PPIG: variants seen among roughly 807,000 people sequenced by gnomAD.
PPIG encodes peptidyl-prolyl cis-trans isomerase G.
A neutral mutation model predicts 87.9 loss-of-function variants in PPIG; 26 were observed. The ratio of observed to expected loss-of-function variants is 0.30; its 90% confidence interval spans 0.22 to 0.41. The LOEUF (loss-of-function observed/expected upper bound fraction) is 0.41. PPIG is among the 10% of genes least tolerant of loss of function. PPIG has a pLI of 1.00. For synonymous variants in PPIG, 308 were observed against 276.5 expected (o/e 1.11, Z -1.13); for missense variants, 722 against 879.4 (o/e 0.82, Z 2.26).
intron 11 of PPIG, 78 bp from the exon 12 acceptor site, chr2:169,633,082 C>G: frequency 1.8e-6 from 2 of 1,131,484 alleles, no homozygotes; most frequent in Non-Finnish European, 2.7e-6. Context: ...GGCCCAGATT[C>G]ATTTTTATTA....
Position 169,636,819 on chromosome 2 carries a change from A to G in PPIG, c.1561A>G (p.Lys521Glu), listed in dbSNP as rs768375937. Residue 521 changes from lysine to glutamate, a missense_variant, in exon 14 of 14, where the codon AAA becomes GAA. Lys to Glu is a moderately conservative substitution (Grantham distance 56). This residue lies in a region of PPIG where 476 missense variants were observed against 483.1 expected (regional missense o/e 0.99). Transcript: ENST00000260970. ...QERSRSKEKS[K>E]QLESKSNEHD... ...AAGGAGTAGAAGTAAAGAGAAGTCTAAACAGTTAGAATCAAAGAGTAATGA... is the reference window on the plus strand; with the variant it reads ...AAGGAGTAGAAGTAAAGAGAAGTCTGAACAGTTAGAATCAAAGAGTAATGA... The G allele has an allele frequency of 3.1e-6, 5 of 1,613,642 alleles. No individual in the cohort carries two copies. The highest frequency in any genetic ancestry group is 4.5e-5 in the East Asian group (2 of 44,876).
At position 169,640,908 on chromosome 2, in the gene PPIG, T is replaced by A. The variant is rs887918402; in HGVS notation, c.*3385T>A. On this transcript the variant is annotated 3_prime_UTR_variant, in exon 14 of 14. Coordinates refer to ENST00000260970, the MANE Select transcript of PPIG (RefSeq NM_004792.3). The stretch of plus-strand genomic sequence containing the variant: ...AGAAAAATGACATGAATAAGAAAAT[T>A]CCGTCAACAAGGTTGGAGTAGGGAG... 3 of 152,116 alleles carry A rather than the reference T, an allele frequency of 2.0e-5. No homozygotes were observed. Among genetic ancestry groups the A allele is most frequent in the Non-Finnish European group, 2.9e-5 (2 of 68,008 alleles). The allele number at this position is 152,116 out of a possible 1,614,324, so 9.4% of individuals were successfully genotyped here. A position where few individuals can be genotyped will look rare whatever the true frequency, so the allele number is the denominator to read the frequency against.
Position 169,604,047 on chromosome 2 carries a change from A to T in PPIG, c.6A>T (p.Gly2=). The part of the protein sequence containing the change: M[G]IKVQRPRCFF... ...ACAGATTAAGTATTGGAGCCATGGG[A>T]ATAAAGGTTCAACGTCCTCGATGTT... Residue 2 remains glycine (G), a synonymous_variant, in exon 3 of 14, where the codon GGA becomes GGT. Coordinates refer to ENST00000260970, the MANE Select transcript of PPIG (RefSeq NM_004792.3). 1 of 1,613,560 alleles carries T rather than the reference A, an allele frequency of 6.2e-7. No homozygotes were observed. Among genetic ancestry groups the T allele is most frequent in the South Asian group, 1.1e-5 (1 of 91,064 alleles).
At chr2:169,593,353 C>T (rs1454328977) in intron 1 of PPIG, among the ~76,000 whole-genome samples, 1 of 152,028 alleles carries the variant, frequency 6.6e-6, no homozygotes, top group Admixed American at 6.6e-5. Context: ...CACCACCATG[C>T]CCGGCTATTT....
intron 1 of PPIG, among the ~76,000 whole-genome samples, chr2:169,594,561 A>G (rs551893365): frequency 3.3e-5 from 5 of 149,692 alleles, no homozygotes; most frequent in African/African-American, 1.2e-4. Flanking sequence ...TTCACCTGGT[A>G]TGACTATTTT....
intron 7 of PPIG, among the ~76,000 whole-genome samples, chr2:169,611,035 C>T (rs1685473609): frequency 6.6e-6 from 1 of 152,012 alleles, no homozygotes; most frequent in Non-Finnish European, 1.5e-5. Flanking sequence ...ATGGTGAAAC[C>T]CAGTCTCTAC....
chr2:169,602,974 A>G (rs1213028685), intron 1 of PPIG, among the ~76,000 whole-genome samples: 2 of 152,144 alleles, frequency 1.3e-5, no homozygotes, highest in East Asian at 1.9e-4. Flanking sequence ...TGGTTTGGAT[A>G]ATGAGGTATG....
rs775195515 is a variant in PPIG at position 169,633,198 on chromosome 2, G to A, written c.968G>A (p.Arg323Gln). ...TCCCAGCCTGCTTCATACCAGAGAC[G>A]ACTTTTAGTTACTAGATCTGGCAGG... ...PNSQPASYQR[R>Q]LLVTRSGRKI... Residue 323 changes from arginine (R) to glutamine (Q), a missense_variant, in exon 12 of 14, where the codon CGA becomes CAA. By Grantham distance (43) the Arg-to-Gln change is conservative. Around this residue, in one of 4 missense-constraint regions of PPIG, gnomAD observed 5 missense variants for 27.7 expected, o/e 0.18. Coordinates refer to ENST00000260970, the MANE Select transcript of PPIG (RefSeq NM_004792.3). The A allele has an allele frequency of 2.3e-5, 37 of 1,610,952 alleles. No individual in the cohort carries two copies. The highest frequency in any genetic ancestry group is 5.4e-5 in the African/African-American group (4 of 74,716).
chr2:169,608,769 A>G lies in PPIG; in HGVS notation c.377+11A>G, dbSNP rs766032565. 1 of 1,568,164 alleles carries G rather than the reference A, an allele frequency of 6.4e-7. No homozygotes were observed. Among genetic ancestry groups the G allele is most frequent in the East Asian group, 2.3e-5 (1 of 44,320 alleles). ...TTCACAGTTCTTCATGTAAGTATTT[A>G]TTATCTGATGATTTAAAACATCCCA... On this transcript the variant is annotated intron_variant, in intron 7 of 13. Coordinates refer to ENST00000260970, the MANE Select transcript of PPIG (RefSeq NM_004792.3).
At chr2:169,622,724 C>A (rs1419235223) in intron 9 of PPIG, among the ~76,000 whole-genome samples, 2 of 152,152 alleles carry the variant, frequency 1.3e-5, no homozygotes, top group Non-Finnish European at 2.9e-5. Context: ...ACACTTGGGC[C>A]CCTGTTATTC....
intron 9 of PPIG, among the ~76,000 whole-genome samples, chr2:169,619,751 CT>C (rs199701728): frequency 0.047 from 6,963 of 148,072 alleles, 221 homozygotes; most frequent in East Asian, 0.18. Context: ...CCCTTGTTTT[CT>C]TTTTTTTTTA....
At chr2:169,601,793 G>T (rs754193688) in intron 1 of PPIG, among the ~76,000 whole-genome samples, 1 of 151,900 alleles carries the variant, frequency 6.6e-6, no homozygotes, top group Non-Finnish European at 1.5e-5. Flanking sequence ...CCGTATAATT[G>T]AAATTACAGT....
intron 9 of PPIG, among the ~76,000 whole-genome samples, chr2:169,615,514 A>G (rs1007445784): frequency 6.6e-6 from 1 of 152,156 alleles, no homozygotes; most frequent in African/African-American, 2.4e-5. Context: ...TCTTCTCTGT[A>G]CTTCTGTGAC....
In PPIG at chr2:169,636,901, A is replaced by G. The variant is rs779546020; in HGVS notation, c.1643A>G (p.Glu548Gly). 6 of 1,613,812 alleles carry G rather than the reference A, an allele frequency of 3.7e-6. No individual in the cohort carries two copies. The African/African-American group carries it at 6.7e-5, about 18-fold the overall frequency. The change falls in exon 14 of 14, where the codon GAA becomes GGA. Residue 548 changes from glutamate to glycine, a missense_variant. Transcript: ENST00000260970. The stretch of plus-strand genomic sequence containing the variant: ...AGACGCGCACAATCCAGGAGTAGAG[A>G]ATGTGATATAACTAAAGGTAAACAC... The part of the protein sequence containing the change: ...KDRRAQSRSR[E>G]CDITKGKHSY...
intron 1 of PPIG, among the ~76,000 whole-genome samples, chr2:169,596,125 C>A (rs537466041): frequency 7.3e-6 from 1 of 137,378 alleles, no homozygotes; most frequent in African/African-American, 2.8e-5. Flanking sequence ...TTTTTTGAGA[C>A]GGAGTCTCAC....
intron 7 of PPIG, among the ~76,000 whole-genome samples, chr2:169,609,352 G>A (rs1454388510): frequency 6.6e-6 from 1 of 152,002 alleles, no homozygotes; most frequent in East Asian, 2.0e-4. Flanking sequence ...TGGGACTACA[G>A]GTGTGTGCCA....
At chr2:169,587,570 C>T (rs895516208) in intron 1 of PPIG, among the ~76,000 whole-genome samples, 22 of 152,110 alleles carry the variant, frequency 1.4e-4, no homozygotes, top group African/African-American at 5.3e-4. Flanking sequence ...GACTAAACTT[C>T]AATTTTCATG....
At chr2:169,588,340 A>G (rs1684763943) in intron 1 of PPIG, among the ~76,000 whole-genome samples, 1 of 152,190 alleles carries the variant, frequency 6.6e-6, no homozygotes, top group Non-Finnish European at 1.5e-5. Context: ...ATATTAAGCC[A>G]TTATGTGGAA....
At chr2:169,605,489 G>A (rs1168398704) in intron 4 of PPIG, among the ~76,000 whole-genome samples, 2 of 151,244 alleles carry the variant, frequency 1.3e-5, no homozygotes, top group Admixed American at 6.6e-5. Flanking sequence ...GGCGACAAGA[G>A]TGAGATCCTG....
Sources: gnomAD v4.1 joint callset for allele counts (sites outside exome capture counted in the v4.1 genomes callset) on GRCh38, gnomAD v4.1.1 for gene constraint, gnomAD v4.1.1 regional missense constraint, MANE v1.5 for transcripts, NCBI Gene and HGNC (gene_info 2026-07-23, HGNC 2026-07-21) for gene names.